C8orf88: variants seen among roughly 807,000 people sequenced by gnomAD.
C8orf88 encodes the protein chromosome 8 open reading frame 88.
In C8orf88, 14 loss-of-function variants were observed where a neutral mutation model predicts 18.4. The ratio of observed to expected loss-of-function variants is 0.76; its 90% CI spans 0.50 to 1.19. C8orf88 has a LOEUF of 1.19. Ranked by LOEUF, C8orf88 falls within the 50% of genes most tolerant of loss-of-function variation. The probability of loss-of-function intolerance (pLI) is 0.00; values close to 1 mark genes in which losing one functional copy is unlikely to be tolerated. For synonymous variants in C8orf88, 45 were observed against 42.9 expected (o/e 1.05, Z -0.19); for missense variants, 116 against 134.7 (o/e 0.86, Z 0.69).
intron 3 of C8orf88, among the ~76,000 whole-genome samples, chr8:90,974,165 C>G (rs994328789): frequency 2.0e-5 from 3 of 152,156 alleles, no homozygotes; most frequent in African/African-American, 4.8e-5. Flanking sequence ...GAGGTACACT[C>G]TGTATCTCCT....
At chr8:90,978,415 T>C (rs1811384185) in intron 3 of C8orf88, among the ~76,000 whole-genome samples, 164 bp downstream of exon 3, 1 of 152,184 alleles carries the variant, frequency 6.6e-6, no homozygotes, top group Admixed American at 6.6e-5. Context: ...TGTTTAGACT[T>C]AAAAATGCTG....
Position 90,969,170 on chromosome 8 carries a change from G to A in C8orf88, c.223+1896C>T, listed in dbSNP as rs578124266. On this transcript the variant is annotated intron_variant, in intron 4 of 5. Coordinates refer to ENST00000517562, the MANE Select transcript of C8orf88 (RefSeq NM_001190972.2). ...TTGAAACAAAAACTTGTACGCAAAT[G>A]TCCACAGCAATATTATTCACAATAG... is the stretch of plus-strand genomic sequence containing the variant. Among the ~76,000 whole-genome samples the A allele has an allele frequency of 4.0e-5, 6 of 151,890 alleles. No individual in the cohort carries two copies. The South Asian group carries it at 1.2e-3, about 32-fold the overall frequency.
chr8:90,983,572 C>T (rs1811463464), intron 1 of C8orf88, among the ~76,000 whole-genome samples: 1 of 152,102 alleles, frequency 6.6e-6, no homozygotes, highest in African/African-American at 2.4e-5. Flanking sequence ...TAAGCAGATA[C>T]ATTGACCACT....
chr8:90,982,640 C>A (rs1362443591), intron 1 of C8orf88, among the ~76,000 whole-genome samples: 1 of 152,112 alleles, frequency 6.6e-6, no homozygotes, highest in Non-Finnish European at 1.5e-5. Flanking sequence ...AAAATCAAAG[C>A]TCTTTTGGTG....
chr8:90,960,783 G>T lies in C8orf88; in HGVS notation c.289C>A (p.Pro97Thr), dbSNP rs750190556. ...ATGGGATGATCAGGCAGAAAGTCTG[G>T]TTTTTTTCTGCAGATGGAAACACTT... ...LSSVSICRKK[P>T]DFLPDHPIVL... Residue 97 changes from proline (P) to threonine (T), a missense_variant, in exon 5 of 6, where the codon CCA (proline) becomes ACA (threonine). Transcript: ENST00000517562. 219 of 1,531,214 alleles carry T rather than the reference G, an allele frequency of 1.4e-4. 1 individual carries two copies. Among genetic ancestry groups the T allele is most frequent in the Middle Eastern group, 1.7e-4 (1 of 5,954 alleles). The allele number at this position is 1,531,214 out of a possible 1,614,324, so 94.9% of individuals were successfully genotyped here. A position where few individuals can be genotyped will look rare whatever the true frequency, so the allele number is the denominator to read the frequency against.
Position 90,967,031 on chromosome 8 carries a change from A to G in C8orf88, c.223+4035T>C, listed in dbSNP as rs918729102. ...TTTTACTTCATCTTTCCCAACTTAA[A>G]TACCATTTATCATTTTTCTTGCCTA... On this transcript the variant is annotated intron_variant, in intron 4 of 5. Coordinates refer to ENST00000517562, the MANE Select transcript of C8orf88 (RefSeq NM_001190972.2). 2.6e-5 allele frequency among the ~76,000 whole-genome samples: 4 copies of G among 151,934 alleles called. No homozygotes were observed. In the East Asian group the frequency reaches 7.7e-4, roughly 29 times the overall value.
chr8:90,978,957 C>T lies in C8orf88; in HGVS notation c.74-305G>A, dbSNP rs139492926. ...CTTATTGAGAGATTTAGAGAAAGTA[C>T]TAGGGCAAACGGAATAGGTTTGGGG... On this transcript the variant is annotated intron_variant, in intron 2 of 5. Transcript: ENST00000517562. Among the ~76,000 whole-genome samples the T allele has an allele frequency of 6.6e-5, 10 of 152,208 alleles. No homozygotes were observed. In the East Asian group the frequency reaches 1.7e-3, roughly 26 times the overall value.
chr8:90,963,355 C>T lies in C8orf88; in HGVS notation c.224-2507G>A, dbSNP rs918511757. ...ACAAACCCAAGGGAAGGAAGAAAATCTGACTTCCAGAGCAGCCACATTTAT... is the reference window on the plus strand; with the variant it reads ...ACAAACCCAAGGGAAGGAAGAAAATTTGACTTCCAGAGCAGCCACATTTAT... On this transcript the variant is annotated intron_variant, in intron 4 of 5. Coordinates refer to ENST00000517562, the MANE Select transcript of C8orf88 (RefSeq NM_001190972.2). Among the ~76,000 whole-genome samples the T allele has an allele frequency of 4.0e-5, 6 of 151,724 alleles. No homozygotes were observed. The Admixed American group carries it at 4.0e-4, about 10-fold the overall frequency.
At chr8:90,972,186 C>T (rs1811293152) in intron 3 of C8orf88, among the ~76,000 whole-genome samples, 1 of 152,006 alleles carries the variant, frequency 6.6e-6, no homozygotes, top group South Asian at 2.1e-4. Context: ...CACCTAAAGG[C>T]AGTAGGACTA....
At chr8:90,976,270 A>T (rs943381055) in intron 3 of C8orf88, among the ~76,000 whole-genome samples, 1 of 152,254 alleles carries the variant, frequency 6.6e-6, no homozygotes. Flanking sequence ...ACCTTACTAT[A>T]TGTAAATTAT....
At chr8:90,976,903 T>C (rs1811358972) in intron 3 of C8orf88, among the ~76,000 whole-genome samples, 1 of 152,132 alleles carries the variant, frequency 6.6e-6, no homozygotes, top group African/African-American at 2.4e-5. Flanking sequence ...GGGAAGACTT[T>C]TTAAAAGTGA....
At chr8:90,962,285 C>CTT (rs1050447371) in intron 4 of C8orf88, among the ~76,000 whole-genome samples, 10 of 151,634 alleles carry the variant, frequency 6.6e-5, no homozygotes, top group African/African-American at 1.9e-4. Flanking sequence ...ACCCAATACC[C>CTT]TTTTTTCACG....
intron 5 of C8orf88, chr8:90,959,545 A>G: frequency 6.6e-6 from 1 of 151,504 alleles, no homozygotes; most frequent in East Asian, 1.9e-4. Flanking sequence ...ATATTTATGC[A>G]TGAGAAGTAT....
At chr8:90,982,615 C>T (rs951958533) in intron 1 of C8orf88, among the ~76,000 whole-genome samples, 2 of 152,070 alleles carry the variant, frequency 1.3e-5, no homozygotes, top group African/African-American at 4.8e-5. Flanking sequence ...CTTTGCAACA[C>T]AAGTAAATAA....
intron 3 of C8orf88, 41 bp downstream of exon 3, chr8:90,978,538 A>C: frequency 7.8e-7 from 1 of 1,278,280 alleles, no homozygotes; most frequent in Non-Finnish European, 1.1e-6. Context: ...GTTACTTTCC[A>C]ATCTATAATA....
intron 1 of C8orf88, among the ~76,000 whole-genome samples, chr8:90,982,060 T>G (rs1371160691): frequency 6.6e-6 from 1 of 152,068 alleles, no homozygotes; most frequent in Non-Finnish European, 1.5e-5. Flanking sequence ...CTCTCAAAAT[T>G]AGGAATGATA....
At chr8:90,963,499 C>T (rs892059348) in intron 4 of C8orf88, among the ~76,000 whole-genome samples, 6 of 151,528 alleles carry the variant, frequency 4.0e-5, no homozygotes, top group Non-Finnish European at 8.9e-5. Context: ...AGTAAGGAAG[C>T]CAAGACATTG....
intron 3 of C8orf88, among the ~76,000 whole-genome samples, chr8:90,973,293 T>C (rs1169276113): frequency 1.3e-5 from 2 of 152,074 alleles, no homozygotes; most frequent in Non-Finnish European, 2.9e-5. Context: ...GATGAAAAAT[T>C]AATGTTTATG....
rs549768395 is a variant in C8orf88 at position 90,960,387 on chromosome 8, ATATC to A, written c.330+351_330+354del. 1.6e-4 allele frequency among the ~76,000 whole-genome samples: 25 copies of A among 151,562 alleles called. No individual in the cohort carries two copies. The South Asian group carries it at 5.2e-3, about 31-fold the overall frequency. ...CAATAAATATTTTTAAAATGACTGG[ATATC>A]TATGTAGAAAAAGGTAAAACTTGAT... On this transcript the variant is annotated intron_variant, in intron 5 of 5. Transcript: ENST00000517562.
Sources: gnomAD v4.1 joint callset for allele counts (sites outside exome capture counted in the v4.1 genomes callset) on GRCh38, gnomAD v4.1.1 for gene constraint, MANE v1.5 for transcripts, NCBI Gene and HGNC (gene_info 2026-07-23, HGNC 2026-07-21) for gene names.